Variants in LIM2 observed in about 807,000 individuals in gnomAD.
LIM2 encodes lens intrinsic membrane protein 2.
Under a neutral mutation model 19.0 loss-of-function variants are expected in LIM2, and 14 were observed. That is an observed-to-expected ratio of 0.74 (90% CI 0.49 to 1.15). LIM2 has a LOEUF of 1.15. Among genes scored for constraint, LIM2 ranks in the 50% most tolerant of loss-of-function variants. LIM2 has a pLI of 0.00. For synonymous variants in LIM2, 78 were observed against 89.6 expected (o/e 0.87, Z 0.73); for missense variants, 230 against 243.5 (o/e 0.94, Z 0.37).
chr19:51,387,292 C>T lies in LIM2; in HGVS notation c.152G>A (p.Cys51Tyr). Residue 51 changes from cysteine to tyrosine, a missense_variant, in exon 2 of 5, where the codon TGC (cysteine) becomes TAC (tyrosine). Transcript: ENST00000596399. ...GLWRYCLGNK[C>Y]YLQTDSIAYW... The stretch of plus-strand genomic sequence containing the variant: ...ACCGATGCTGTCTGTCTGCAGGTAG[C>T]ACTTGTTGCCCAGGCAGTACCGCCA... 6.2e-7 allele frequency: 1 copy of T among 1,614,126 alleles called. No homozygotes were observed. Among genetic ancestry groups the T allele is most frequent in the Non-Finnish European group, 8.5e-7 (1 of 1,180,036 alleles).
At chr19:51,381,370 T>C (rs1350838360) in intron 3 of LIM2, among the ~76,000 whole-genome samples, 1 of 152,102 alleles carries the variant, frequency 6.6e-6, no homozygotes, top group Non-Finnish European at 1.5e-5. Context: ...CCATGATATG[T>C]TGAGGCTCTG....
intron 4 of LIM2, 73 bp from the exon 5 acceptor site, chr19:51,380,335 C>T: frequency 1.3e-6 from 2 of 1,576,462 alleles, no homozygotes; most frequent in Non-Finnish European, 1.7e-6. Context: ...GAGAGCCCAA[C>T]ACCCTACTCT....
In LIM2 at chr19:51,380,405, C is replaced by T. The variant is rs1013460684; in HGVS notation, c.460+100G>A. 6 of 1,590,230 alleles carry T rather than the reference C, an allele frequency of 3.8e-6. No individual in the cohort carries two copies. The African/African-American group carries it at 6.7e-5, about 18-fold the overall frequency. The stretch of plus-strand genomic sequence containing the variant: ...TAGGCCTGGAGTCTTCCTCCTGACC[C>T]AGTGCTGTGGGACTCATGTGGGACA... On this transcript the variant is annotated intron_variant, in intron 4 of 4. Transcript: ENST00000596399.
At chr19:51,385,249 C>A (rs557222138) in intron 2 of LIM2, among the ~76,000 whole-genome samples, 1 of 152,000 alleles carries the variant, frequency 6.6e-6, no homozygotes, top group African/African-American at 2.4e-5. Context: ...AGGCCAAGTT[C>A]GGTGGCTCAT....
intron 3 of LIM2, among the ~76,000 whole-genome samples, chr19:51,381,439 G>A (rs1217211658): frequency 1.3e-5 from 2 of 152,160 alleles, no homozygotes; most frequent in South Asian, 4.1e-4. Context: ...AATGACCAAC[G>A]ATTCAATCAG....
intron 4 of LIM2, 98 bp downstream of exon 4, chr19:51,380,407 G>C (rs369974475): frequency 6.9e-6 from 11 of 1,591,192 alleles, no homozygotes; most frequent in East Asian, 4.5e-5. Context: ...TCCTGACCCA[G>C]TGCTGTGGGA....
chr19:51,380,765 G>T, intron 3 of LIM2, 126 bp from the exon 4 acceptor site: 1 of 1,109,160 alleles, frequency 9.0e-7, no homozygotes, highest in South Asian at 1.4e-5. Flanking sequence ...GGTTGGGGGT[G>T]GGGATAGGAG....
At chr19:51,382,806 G>A (rs143067299) in intron 2 of LIM2, among the ~76,000 whole-genome samples, 2 of 151,844 alleles carry the variant, frequency 1.3e-5, no homozygotes, top group African/African-American at 2.4e-5. Flanking sequence ...CTTCACCCAC[G>A]GCTAAGGGTT....
chr19:51,381,369 G>C (rs572204654), intron 3 of LIM2, among the ~76,000 whole-genome samples: 5 of 152,204 alleles, frequency 3.3e-5, no homozygotes, highest in African/African-American at 1.2e-4. Flanking sequence ...ACCATGATAT[G>C]TTGAGGCTCT....
Position 51,387,058 on chromosome 19 carries a change from C to T in LIM2, c.175+211G>A, listed in dbSNP as rs1210391436. On this transcript the variant is annotated intron_variant, in intron 2 of 4. Transcript: ENST00000596399. ...CGTCAGGAAATGCCACCTCTCCCAA[C>T]TTAACCTTCAAACCAGCACCCCGTG... The T allele has an allele frequency of 1.2e-4, 106 of 891,796 alleles. 1 individual carries two copies. The East Asian group carries it at 2.3e-3, about 19-fold the overall frequency. 55.2% of individuals were successfully genotyped at this position (891,796 alleles called of 1,614,324 possible).
At chr19:51,387,014 G>C in intron 2 of LIM2, 1 of 722,654 alleles carries the variant, frequency 1.4e-6, no homozygotes, top group Non-Finnish European at 2.5e-6. Flanking sequence ...CCCAATTGCT[G>C]TGCATGACAC....
At chr19:51,380,406 A>C in intron 4 of LIM2, 99 bp downstream of exon 4, 1 of 1,590,718 alleles carries the variant, frequency 6.3e-7, no homozygotes, top group Non-Finnish European at 8.6e-7. Flanking sequence ...CTCCTGACCC[A>C]GTGCTGTGGG....
At chr19:51,383,478 G>T (rs1394706995) in intron 2 of LIM2, among the ~76,000 whole-genome samples, 1 of 152,094 alleles carries the variant, frequency 6.6e-6, no homozygotes, top group Non-Finnish European at 1.5e-5. Context: ...TCACCACTGT[G>T]TCCCCAGCAC....
intron 3 of LIM2, among the ~76,000 whole-genome samples, chr19:51,382,035 A>G (rs1006879559): frequency 6.6e-6 from 1 of 152,142 alleles, no homozygotes; most frequent in Non-Finnish European, 1.5e-5. Flanking sequence ...GCCTCCAGCA[A>G]ATTTTTGAAT....
rs1986849375 is a variant in LIM2, at chr19:51,380,018, A to G, written c.*183T>C. 1.6e-6 allele frequency: 1 copy of G among 639,376 alleles called. No individual in the cohort carries two copies. The highest frequency in any genetic ancestry group is 1.8e-5 in the African/African-American group (1 of 54,740). 39.6% of individuals were successfully genotyped at this position (639,376 alleles called of 1,614,324 possible). On this transcript the variant is annotated 3_prime_UTR_variant, in exon 5 of 5. Coordinates refer to ENST00000596399, the MANE Select transcript of LIM2 (RefSeq NM_001161748.2). ...ACTTGAGTCTTCTCAGCTCCCTCCC[A>G]TGGGCCCTATTCTTCCTCCTTCCAG...
chr19:51,380,319 C>T (rs1470462689), intron 4 of LIM2, 57 bp from the exon 5 acceptor site: 1 of 1,598,152 alleles, frequency 6.3e-7, no homozygotes, highest in African/African-American at 1.3e-5. Flanking sequence ...TCCATTTCCA[C>T]CCCAAGAGAG....
intron 3 of LIM2, among the ~76,000 whole-genome samples, chr19:51,381,589 G>GCTCT: frequency 6.6e-6 from 1 of 152,230 alleles, no homozygotes; most frequent in Non-Finnish European, 1.5e-5. Flanking sequence ...TGCATTTTGG[G>GCTCT]CTCTCCTAGA....
At position 51,384,510 on chromosome 19, in the gene LIM2, A is replaced by G. The variant is rs370867263; in HGVS notation, c.176-1943T>C. Among the ~76,000 whole-genome samples the G allele has an allele frequency of 3.3e-5, 5 of 152,320 alleles. No individual in the cohort carries two copies. In the East Asian group the frequency reaches 9.6e-4, roughly 29 times the overall value. On this transcript the variant is annotated intron_variant, in intron 2 of 4. Coordinates refer to ENST00000596399, the MANE Select transcript of LIM2 (RefSeq NM_001161748.2). ...TGGACACAGACATGCTTTTAGGAAA[A>G]ATGCCATGTGTGAGGAAGGTAGAAA... is the stretch of plus-strand genomic sequence containing the variant.
Position 51,387,272 on chromosome 19 carries a change from T to C in LIM2, c.172A>G (p.Ile58Val), listed in dbSNP as rs1164738493. The stretch of plus-strand genomic sequence containing the variant: ...GGACCCTGGCCGGGGGGCTCACCGA[T>C]GCTGTCTGTCTGCAGGTAGCACTTG... ...GNKCYLQTDSIAYWNATRAFM... is the reference protein window; with the variant it reads ...GNKCYLQTDSVAYWNATRAFM... The change falls in exon 2 of 5, where the codon ATC becomes GTC. Residue 58 changes from isoleucine to valine, a missense_variant. Transcript: ENST00000596399. 2 of 1,614,042 alleles carry C rather than the reference T, an allele frequency of 1.2e-6. No homozygotes were observed.
Sources: gnomAD v4.1 joint callset for allele counts (sites outside exome capture counted in the v4.1 genomes callset) on GRCh38, gnomAD v4.1.1 for gene constraint, MANE v1.5 for transcripts, NCBI Gene and HGNC (gene_info 2026-07-23, HGNC 2026-07-21) for gene names.